PTPRZ1: variants seen among roughly 807,000 people sequenced by gnomAD.
PTPRZ1 encodes protein tyrosine phosphatase receptor type Z1.
Under a neutral mutation model 214.1 loss-of-function variants are expected in PTPRZ1, and 82 were observed. The observed-to-expected ratio is 0.38, with a 90% confidence interval of 0.32 to 0.46. The LOEUF is 0.46. Among genes scored for constraint, PTPRZ1 ranks in the 20% least tolerant of loss-of-function variants. The pLI is 1.00. For synonymous variants in PTPRZ1, 945 were observed against 987.9 expected (o/e 0.96, Z 0.81); for missense variants, 2,603 against 2,748.7 (o/e 0.95, Z 1.19).
intron 2 of PTPRZ1, among the ~76,000 whole-genome samples, chr7:121,965,265 TG>T (rs1797010815): frequency 1.3e-5 from 2 of 152,214 alleles, no homozygotes; most frequent in African/African-American, 4.8e-5. Context: ...ATTTGAAGCC[TG>T]GGGTCCTCTT....
intron 8 of PTPRZ1, 125 bp from the exon 9 acceptor site, chr7:121,996,256 TG>T (rs1346108960): frequency 3.1e-6 from 2 of 642,062 alleles, no homozygotes; most frequent in Non-Finnish European, 5.0e-6. Context: ...AGCTCCACAG[TG>T]GGAAAGTGTA....
chr7:121,954,427 G>A (rs2116466631), intron 2 of PTPRZ1, among the ~76,000 whole-genome samples: 1 of 152,154 alleles, frequency 6.6e-6, no homozygotes, highest in South Asian at 2.1e-4. Flanking sequence ...TGTCTTCCTA[G>A]ATGCCTTCAG....
intron 1 of PTPRZ1, among the ~76,000 whole-genome samples, chr7:121,922,400 T>TA (rs1318136504): frequency 6.6e-6 from 1 of 151,788 alleles, no homozygotes; most frequent in Non-Finnish European, 1.5e-5. Flanking sequence ...CTACTAAAAA[T>TA]AAAAAAATTA....
At chr7:121,998,069 T>C in intron 10 of PTPRZ1, 63 bp downstream of exon 10, 1 of 1,490,708 alleles carries the variant, frequency 6.7e-7, no homozygotes, top group Middle Eastern at 1.7e-4. Context: ...AATTACTGTA[T>C]GCATTGATGC....
chr7:121,873,657 T>C, intron 1 of PTPRZ1, 100 bp downstream of exon 1: 1 of 1,424,812 alleles, frequency 7.0e-7, no homozygotes, highest in Non-Finnish European at 9.7e-7. Context: ...CGCCGCCATC[T>C]AGCCAGGAGG....
intron 8 of PTPRZ1, among the ~76,000 whole-genome samples, chr7:121,990,994 G>A (rs1196499): frequency 0.99 from 150,874 of 152,332 alleles, 74,732 homozygotes; most frequent in Middle Eastern, 1. Flanking sequence ...GCTAAGAAGC[G>A]GGGACCTGCT....
intron 16 of PTPRZ1, 25 bp from the exon 17 acceptor site, chr7:122,034,257 A>G: frequency 1.2e-6 from 2 of 1,602,706 alleles, no homozygotes; most frequent in South Asian, 1.1e-5. Flanking sequence ...GTGTGTTAAA[A>G]TGATTTACAT....
intron 1 of PTPRZ1, among the ~76,000 whole-genome samples, chr7:121,926,039 T>G (rs1379320746): frequency 6.6e-6 from 1 of 152,190 alleles, no homozygotes; most frequent in Non-Finnish European, 1.5e-5. Flanking sequence ...GCACAGTGGC[T>G]CACGCCTGTA....
chr7:122,046,443 C>T (rs1018496169), intron 23 of PTPRZ1, among the ~76,000 whole-genome samples: 1 of 151,938 alleles, frequency 6.6e-6, no homozygotes, highest in African/African-American at 2.4e-5. Context: ...AACAGATAAA[C>T]AAAATAGTGT....
Position 122,011,298 on chromosome 7 carries a change from C to A in PTPRZ1, c.2252C>A (p.Pro751Gln). The change falls in exon 12 of 30, where the codon CCG (proline) becomes CAG (glutamine). Residue 751 changes from proline (P) to glutamine (Q), a missense_variant. Physicochemically the swap from Pro to Gln is moderately conservative, Grantham distance 76 (BLOSUM62 -1). This residue lies in a region of PTPRZ1 where 1,913 missense variants were observed against 1,914.3 expected (regional missense o/e 1.00). Coordinates refer to ENST00000393386, the MANE Select transcript of PTPRZ1 (RefSeq NM_002851.3). ...GTGGTATACTCGCAGACAACCCAAC[C>A]GGTATACAATGGTGAGACACCTCTT... ...VNVVYSQTTQ[P>Q]VYNGETPLQP... The A allele has an allele frequency of 6.2e-7, 1 of 1,614,102 alleles. No homozygotes were observed. Among genetic ancestry groups the A allele is most frequent in the South Asian group, 1.1e-5 (1 of 91,080 alleles).
At chr7:121,929,508 A>C (rs1349141814) in intron 2 of PTPRZ1, among the ~76,000 whole-genome samples, 1 of 151,494 alleles carries the variant, frequency 6.6e-6, no homozygotes, top group African/African-American at 2.4e-5. Context: ...AGTAGGAAAA[A>C]AAAAAAAAAA....
intron 8 of PTPRZ1, among the ~76,000 whole-genome samples, chr7:121,996,084 G>T (rs1798124328): frequency 6.6e-6 from 1 of 151,988 alleles, no homozygotes; most frequent in Non-Finnish European, 1.5e-5. Context: ...GATAAAATAG[G>T]CAATTGACAA....
chr7:122,017,869 G>A (rs1798891382), intron 12 of PTPRZ1, among the ~76,000 whole-genome samples: 3 of 152,010 alleles, frequency 2.0e-5, no homozygotes, highest in Admixed American at 1.3e-4. Flanking sequence ...ACCACGCCCA[G>A]CCTGATACAT....
intron 1 of PTPRZ1, among the ~76,000 whole-genome samples, chr7:121,876,802 T>C (rs1297305941): frequency 6.6e-6 from 1 of 152,250 alleles, no homozygotes; most frequent in African/African-American, 2.4e-5. Context: ...AATTCATTTC[T>C]ACTCTCATGT....
At chr7:122,006,313 A>G (rs573497534) in intron 11 of PTPRZ1, among the ~76,000 whole-genome samples, 75 of 152,054 alleles carry the variant, frequency 4.9e-4, no homozygotes, top group Non-Finnish European at 9.3e-4. Context: ...TAGTCATCCT[A>G]TAGTGCTATC....
intron 17 of PTPRZ1, among the ~76,000 whole-genome samples, chr7:122,035,376 A>C (rs28609149): frequency 0.014 from 2,168 of 152,162 alleles, 46 homozygotes; most frequent in African/African-American, 0.048. Flanking sequence ...TACACATAAA[A>C]CTCACTTGCT....
chr7:121,912,369 C>CT (rs1460511497), intron 1 of PTPRZ1, among the ~76,000 whole-genome samples: 1 of 152,106 alleles, frequency 6.6e-6, no homozygotes, highest in Non-Finnish European at 1.5e-5. Flanking sequence ...CCAGGAATCT[C>CT]TTTTTATTCA....
intron 15 of PTPRZ1, 74 bp from the exon 16 acceptor site, chr7:122,034,021 C>G: frequency 7.3e-7 from 1 of 1,362,172 alleles, no homozygotes; most frequent in Non-Finnish European, 1.0e-6. Flanking sequence ...CTAATATGAA[C>G]GCTTTTTTTT....
intron 1 of PTPRZ1, among the ~76,000 whole-genome samples, 184 bp downstream of exon 1, chr7:121,873,741 G>C (rs7776594): frequency 1.3e-5 from 2 of 151,814 alleles, no homozygotes; most frequent in Admixed American, 6.5e-5. Flanking sequence ...GGATTTGCGC[G>C]CCCCCTCCCC....
Sources: gnomAD v4.1 joint callset for allele counts (sites outside exome capture counted in the v4.1 genomes callset) on GRCh38, gnomAD v4.1.1 for gene constraint, gnomAD v4.1.1 regional missense constraint, MANE v1.5 for transcripts, NCBI Gene and HGNC (gene_info 2026-07-23, HGNC 2026-07-21) for gene names.